Variants in SUMF1 observed in about 807,000 individuals in gnomAD.
SUMF1 encodes the protein formylglycine-generating enzyme.
Under a neutral mutation model 47.6 loss-of-function variants are expected in SUMF1, and 48 were observed. The ratio of observed to expected loss-of-function variants is 1.01; its 90% CI spans 0.80 to 1.28. The LOEUF (loss-of-function observed/expected upper bound fraction) is 1.28, where lower values mean the gene tolerates loss of function less well. SUMF1 is among the 50% of genes most tolerant of loss of function. The pLI is 0.00. For synonymous variants in SUMF1, 230 were observed against 192.1 expected (o/e 1.20, Z -1.63); for missense variants, 571 against 485.4 (o/e 1.18, Z -1.66).
intron 9 of SUMF1, among the ~76,000 whole-genome samples, chr3:4,053,470 C>G (rs1279187695): frequency 6.6e-6 from 1 of 152,110 alleles, no homozygotes; most frequent in Non-Finnish European, 1.5e-5. Context: ...TTGCTTTACG[C>G]AAGGTTGCCA....
chr3:4,464,901 A>G (rs1477335889), intron 1 of SUMF1, among the ~76,000 whole-genome samples: 3 of 152,370 alleles, frequency 2.0e-5, no homozygotes, highest in Non-Finnish European at 4.4e-5. Context: ...AAAGCAGACT[A>G]TAAGAACTGG....
chr3:4,231,877 C>T (rs116470646), intron 8 of SUMF1, among the ~76,000 whole-genome samples: 2,171 of 152,238 alleles, frequency 0.014, 33 homozygotes, highest in Middle Eastern at 0.037. Context: ...TGTATCAACT[C>T]TCAGAGTGAA....
intron 7 of SUMF1, among the ~76,000 whole-genome samples, chr3:4,379,936 T>C (rs537540922): frequency 1.5e-3 from 226 of 150,788 alleles, no homozygotes; most frequent in Middle Eastern, 6.8e-3. Flanking sequence ...GAGGGGTATC[T>C]CCATTCCCAT....
At chr3:4,036,896 G>A (rs1367960160) in intron 9 of SUMF1, among the ~76,000 whole-genome samples, 7 of 145,916 alleles carry the variant, frequency 4.8e-5, no homozygotes, top group African/African-American at 1.5e-4. Flanking sequence ...AAATCACAAG[G>A]AGAATCATAC....
chr3:4,126,955 C>A (rs947721670), intron 8 of SUMF1, among the ~76,000 whole-genome samples: 1 of 152,010 alleles, frequency 6.6e-6, no homozygotes, highest in Non-Finnish European at 1.5e-5. Context: ...GATTCCACAT[C>A]GTGAAGAAGA....
At chr3:4,275,002 G>C (rs1697383402) in intron 8 of SUMF1, among the ~76,000 whole-genome samples, 1 of 152,260 alleles carries the variant, frequency 6.6e-6, no homozygotes, top group East Asian at 1.9e-4. Flanking sequence ...CATCTCCAGA[G>C]CAAGCATTAC....
intron 8 of SUMF1, among the ~76,000 whole-genome samples, chr3:4,372,592 G>A (rs938308280): frequency 2.6e-5 from 4 of 152,100 alleles, no homozygotes; most frequent in African/African-American, 9.7e-5. Context: ...TTTACCATAA[G>A]CTAAGCACTG....
At chr3:4,183,931 C>G (rs1695146401) in intron 8 of SUMF1, among the ~76,000 whole-genome samples, 1 of 151,926 alleles carries the variant, frequency 6.6e-6, no homozygotes, top group Admixed American at 6.6e-5. Flanking sequence ...GAGTTCAAGA[C>G]CATCCTGGCC....
chr3:4,455,465 T>C lies in SUMF1; in HGVS notation c.271-2416A>G, dbSNP rs569643818. Reference sequence around the variant, plus strand: ...GTGCAGTGGCTCACACCTGTAATCCTAGCACTTTGGGAGGCCGAGGCAGGT... The same window carrying C: ...GTGCAGTGGCTCACACCTGTAATCCCAGCACTTTGGGAGGCCGAGGCAGGT... On this transcript the variant is annotated intron_variant, in intron 1 of 8. Transcript: ENST00000272902. Among the ~76,000 whole-genome samples the C allele has an allele frequency of 2.0e-5, 3 of 152,226 alleles. No homozygotes were observed. In the East Asian group the frequency reaches 5.8e-4, roughly 29 times the overall value.
At chr3:4,376,955 C>G (rs989100701) in intron 7 of SUMF1, among the ~76,000 whole-genome samples, 2 of 151,938 alleles carry the variant, frequency 1.3e-5, no homozygotes, top group Non-Finnish European at 2.9e-5. Flanking sequence ...ACCACCATGC[C>G]CAGCTAATTT....
At chr3:4,088,532 C>A (rs1692719916) in intron 8 of SUMF1, among the ~76,000 whole-genome samples, 1 of 152,074 alleles carries the variant, frequency 6.6e-6, no homozygotes, top group African/African-American at 2.4e-5. Context: ...CCCTCTCCTC[C>A]CTTCCTCCTT....
chr3:4,377,822 C>CA (rs1447614852), intron 7 of SUMF1, among the ~76,000 whole-genome samples: 1 of 151,830 alleles, frequency 6.6e-6, no homozygotes, highest in Admixed American at 6.6e-5. Flanking sequence ...TTTTTTTGTT[C>CA]AAAAAGACAA....
chr3:4,233,740 T>C (rs984846066), intron 8 of SUMF1, among the ~76,000 whole-genome samples: 1 of 152,160 alleles, frequency 6.6e-6, no homozygotes, highest in African/African-American at 2.4e-5. Context: ...TCCCTGAACC[T>C]ATGTGAGTTA....
intron 3 of SUMF1, among the ~76,000 whole-genome samples, chr3:4,432,843 C>T (rs1015908755): frequency 6.6e-6 from 1 of 152,108 alleles, no homozygotes; most frequent in East Asian, 1.9e-4. Context: ...CACAACCTAG[C>T]CCCTAGTACA....
chr3:4,399,203 C>A (rs182678909), intron 7 of SUMF1, among the ~76,000 whole-genome samples: 4 of 152,286 alleles, frequency 2.6e-5, no homozygotes, highest in Non-Finnish European at 5.9e-5. Flanking sequence ...ACTCCTCACT[C>A]CTCGTTTTGT....
At chr3:4,077,718 A>G (rs1009980180) in intron 8 of SUMF1, among the ~76,000 whole-genome samples, 1 of 152,118 alleles carries the variant, frequency 6.6e-6, no homozygotes, top group Middle Eastern at 3.2e-3. Flanking sequence ...TGTCGAGTTC[A>G]TGGGTGCCGC....
chr3:4,057,090 A>G (rs1487028374), intron 9 of SUMF1, among the ~76,000 whole-genome samples: 2 of 152,172 alleles, frequency 1.3e-5, no homozygotes, highest in Non-Finnish European at 2.9e-5. Context: ...TTCTGCAATC[A>G]GAAAAAGTTA....
At chr3:4,462,916 G>T (rs2079851113) in intron 1 of SUMF1, among the ~76,000 whole-genome samples, 1 of 152,166 alleles carries the variant, frequency 6.6e-6, no homozygotes, top group Non-Finnish European at 1.5e-5. Flanking sequence ...ATTCCTTTAA[G>T]CCTCAGTTGC....
intron 3 of SUMF1, among the ~76,000 whole-genome samples, chr3:4,425,167 G>C (rs1702029426): frequency 6.6e-6 from 1 of 152,162 alleles, no homozygotes; most frequent in South Asian, 2.1e-4. Context: ...AGTGGTAAGA[G>C]TATCTGACCC....
Sources: gnomAD v4.1 joint callset for allele counts (sites outside exome capture counted in the v4.1 genomes callset) on GRCh38, gnomAD v4.1.1 for gene constraint, MANE v1.5 for transcripts, NCBI Gene and HGNC (gene_info 2026-07-23, HGNC 2026-07-21) for gene names.